EFL1: variants seen among roughly 807,000 people sequenced by gnomAD.
The protein encoded by EFL1 is elongation factor-like GTPase 1.
A neutral mutation model predicts 126.7 loss-of-function variants in EFL1; 76 were observed. The observed-to-expected ratio is 0.60, with a 90% CI of 0.50 to 0.73. The LOEUF (loss-of-function observed/expected upper bound fraction) is 0.73. Ranked by LOEUF, EFL1 falls within the 30% of genes least tolerant of loss-of-function variation. EFL1 has a pLI of 0.00. For synonymous variants in EFL1, 410 were observed against 448.4 expected (o/e 0.91, Z 1.08); for missense variants, 1,128 against 1,343.2 (o/e 0.84, Z 2.50).
At chr15:82,143,580 G>T (rs2073811528) in intron 18 of EFL1, among the ~76,000 whole-genome samples, 1 of 152,202 alleles carries the variant, frequency 6.6e-6, no homozygotes, top group South Asian at 2.1e-4. Context: ...GTGGTTGACA[G>T]GATACAGATG....
intron 15 of EFL1, among the ~76,000 whole-genome samples, chr15:82,165,428 C>T (rs893459879): frequency 6.6e-6 from 1 of 152,162 alleles, no homozygotes; most frequent in Admixed American, 6.5e-5. Context: ...AATCACACAT[C>T]CAGACTGGTG....
At chr15:82,178,769 C>T (rs757488554) in intron 15 of EFL1, among the ~76,000 whole-genome samples, 32 of 152,122 alleles carry the variant, frequency 2.1e-4, no homozygotes, top group Non-Finnish European at 4.1e-4. Flanking sequence ...GGACATGCCC[C>T]TCCTCTGAAC....
chr15:82,198,640 CA>C (rs770558086), intron 15 of EFL1, among the ~76,000 whole-genome samples: 3 of 152,032 alleles, frequency 2.0e-5, no homozygotes, highest in Non-Finnish European at 4.4e-5. Context: ...AAGACATGGA[CA>C]GTGGAAAAGG....
At chr15:82,184,822 A>G (rs1278248611) in intron 15 of EFL1, among the ~76,000 whole-genome samples, 4 of 152,220 alleles carry the variant, frequency 2.6e-5, no homozygotes, top group African/African-American at 9.6e-5. Flanking sequence ...GATGAAATAG[A>G]GTGAAACAAT....
intron 4 of EFL1, among the ~76,000 whole-genome samples, chr15:82,250,336 A>G (rs933522454): frequency 1.8e-5 from 2 of 112,838 alleles, no homozygotes; most frequent in African/African-American, 7.0e-5. Context: ...CCATGCTCAC[A>G]AGAAACATGT....
chr15:82,163,762 T>A, intron 16 of EFL1, 91 bp downstream of exon 16: 1 of 1,452,914 alleles, frequency 6.9e-7, no homozygotes, highest in Non-Finnish European at 9.2e-7. Context: ...TATATACTGC[T>A]GAAACAAGTC....
At chr15:82,249,175 G>A (rs1162317210) in intron 4 of EFL1, among the ~76,000 whole-genome samples, 4 of 151,874 alleles carry the variant, frequency 2.6e-5, no homozygotes, top group Non-Finnish European at 1.5e-5. Flanking sequence ...CAGGTGTGGT[G>A]GCTCACAACT....
At chr15:82,144,812 G>A (rs1171903220) in intron 18 of EFL1, among the ~76,000 whole-genome samples, 1 of 151,958 alleles carries the variant, frequency 6.6e-6, no homozygotes, top group African/African-American at 2.4e-5. Context: ...GGCCAACAGG[G>A]TGAAACCCTG....
chr15:82,202,567 T>C (rs940517390), intron 15 of EFL1, among the ~76,000 whole-genome samples: 3 of 152,138 alleles, frequency 2.0e-5, no homozygotes, highest in African/African-American at 7.2e-5. Context: ...CCTTCCATGA[T>C]CCTCAGCTCA....
At chr15:82,200,358 A>C (rs572736131) in intron 15 of EFL1, among the ~76,000 whole-genome samples, 33 of 152,228 alleles carry the variant, frequency 2.2e-4, no homozygotes, top group Non-Finnish European at 4.3e-4. Context: ...AATACTATAC[A>C]AAATAACAAC....
intron 17 of EFL1, among the ~76,000 whole-genome samples, chr15:82,152,837 T>A (rs1439404002): frequency 1.3e-5 from 2 of 152,166 alleles, no homozygotes; most frequent in Non-Finnish European, 2.9e-5. Context: ...AGACATAGAA[T>A]CACAGAACCT....
intron 19 of EFL1, among the ~76,000 whole-genome samples, chr15:82,134,028 C>T (rs1202052816): frequency 1.3e-5 from 2 of 152,216 alleles, no homozygotes; most frequent in Non-Finnish European, 2.9e-5. Context: ...TCCCTACTTG[C>T]TTAGCTGTGC....
intron 15 of EFL1, among the ~76,000 whole-genome samples, chr15:82,164,285 A>G (rs1360029039): frequency 6.6e-6 from 1 of 152,228 alleles, no homozygotes; most frequent in Non-Finnish European, 1.5e-5. Context: ...TATTTGTCTG[A>G]AAACACTGAT....
At chr15:82,206,833 T>C (rs2074529929) in intron 15 of EFL1, among the ~76,000 whole-genome samples, 1 of 152,120 alleles carries the variant, frequency 6.6e-6, no homozygotes, top group Admixed American at 6.5e-5. Context: ...GCTATGCCAT[T>C]TAAACAGACT....
At chr15:82,139,699 C>G (rs1467613070) in intron 18 of EFL1, among the ~76,000 whole-genome samples, 1 of 152,216 alleles carries the variant, frequency 6.6e-6, no homozygotes, top group Non-Finnish European at 1.5e-5. Context: ...CTCTTTAAAG[C>G]CTTCTCTTTC....
chr15:82,167,660 AGATGGTAAAACC>A (rs934918040), intron 15 of EFL1, among the ~76,000 whole-genome samples: 4 of 152,208 alleles, frequency 2.6e-5, no homozygotes, highest in African/African-American at 9.6e-5. Flanking sequence ...GCAAGCAGGA[AGATGGTAAAACC>A]ATTAGTGAAT....
At chr15:82,186,436 A>C (rs917872611) in intron 15 of EFL1, among the ~76,000 whole-genome samples, 2 of 152,210 alleles carry the variant, frequency 1.3e-5, no homozygotes, top group African/African-American at 2.4e-5. Context: ...AGAAAACGGC[A>C]AAAGAATGGA....
intron 15 of EFL1, among the ~76,000 whole-genome samples, chr15:82,172,208 G>A (rs953682434): frequency 2.0e-5 from 3 of 152,118 alleles, no homozygotes; most frequent in Non-Finnish European, 2.9e-5. Flanking sequence ...AGAAAAAGTA[G>A]GTCTTATGTA....
chr15:82,200,638 G>A (rs1314423170), intron 15 of EFL1, among the ~76,000 whole-genome samples: 3 of 152,182 alleles, frequency 2.0e-5, no homozygotes, highest in Non-Finnish European at 2.9e-5. Flanking sequence ...AGGGCAGGAA[G>A]AACCAGTTAG....
Sources: gnomAD v4.1 joint callset for allele counts (sites outside exome capture counted in the v4.1 genomes callset) on GRCh38, gnomAD v4.1.1 for gene constraint, MANE v1.5 for transcripts, NCBI Gene and HGNC (gene_info 2026-07-23, HGNC 2026-07-21) for gene names.